Variants in GNA13 observed in about 807,000 individuals in gnomAD.
GNA13 encodes the protein G protein subunit alpha 13.
Under a neutral mutation model 33.5 loss-of-function variants are expected in GNA13, and 4 were observed. The observed-to-expected ratio is 0.12, with a 90% CI of 0.06 to 0.27. GNA13 has a LOEUF of 0.27. GNA13 is among the 10% of genes least tolerant of loss of function. GNA13 has a pLI of 1.00. For synonymous variants in GNA13, 176 were observed against 183.8 expected (o/e 0.96, Z 0.34); for missense variants, 319 against 487.2 (o/e 0.65, Z 3.25).
intron 2 of GNA13, among the ~76,000 whole-genome samples, chr17:65,048,502 C>T (rs1364507970): frequency 6.6e-6 from 1 of 152,164 alleles, no homozygotes; most frequent in Non-Finnish European, 1.5e-5. Flanking sequence ...CTATTATCCT[C>T]AGTATGCTAA....
chr17:65,054,473 TTTTTTG>T (rs1044671986), intron 1 of GNA13, among the ~76,000 whole-genome samples: 2 of 152,102 alleles, frequency 1.3e-5, no homozygotes, highest in African/African-American at 4.8e-5. Context: ...CGGGTGGGGT[TTTTTTG>T]TTTTTGTTTT....
intron 2 of GNA13, among the ~76,000 whole-genome samples, chr17:65,041,512 T>A (rs928554162): frequency 1.3e-5 from 2 of 150,336 alleles, no homozygotes; most frequent in African/African-American, 2.5e-5. Context: ...AAAAAAAAAA[T>A]ATATATGTAT....
chr17:65,038,335 G>A (rs556657532), intron 2 of GNA13, among the ~76,000 whole-genome samples: 9 of 152,064 alleles, frequency 5.9e-5, no homozygotes, highest in East Asian at 1.9e-4. Flanking sequence ...GCTCGGAGGC[G>A]GAGGTTGCAG....
At chr17:65,025,364 T>C (rs575834525) in intron 2 of GNA13, among the ~76,000 whole-genome samples, 1 of 152,304 alleles carries the variant, frequency 6.6e-6, no homozygotes, top group Non-Finnish European at 1.5e-5. Context: ...CAAGCTTTAT[T>C]TCCTACTGTA....
chr17:65,020,109 C>T (rs936796392), intron 2 of GNA13, among the ~76,000 whole-genome samples: 1 of 152,204 alleles, frequency 6.6e-6, no homozygotes, highest in African/African-American at 2.4e-5. Flanking sequence ...ATACAAAGCT[C>T]AGTACGAGGC....
intron 3 of GNA13, among the ~76,000 whole-genome samples, chr17:65,016,325 A>G (rs1906366249): frequency 6.6e-6 from 1 of 152,154 alleles, no homozygotes; most frequent in South Asian, 2.1e-4. Flanking sequence ...AAGAATACTC[A>G]TTGTCTCAAA....
rs1007448367 is a variant in GNA13, at chr17:65,012,165, T to C, written c.*2092A>G. 1 of 222,790 alleles carries C rather than the reference T, an allele frequency of 4.5e-6. No individual in the cohort carries two copies. The highest frequency in any genetic ancestry group is 6.5e-5 in the East Asian group (1 of 15,326). 13.8% of individuals were successfully genotyped at this position (222,790 alleles called of 1,614,324 possible). On this transcript the variant is annotated 3_prime_UTR_variant, in exon 4 of 4. Transcript: ENST00000439174. ...CAAAAGGGGGAAACTTGGTGATTTC[T>C]GCTTTGTCAGGCAATATCTATGGTT...
chr17:65,031,931 TGTGTG>T (rs1907060309), intron 2 of GNA13, among the ~76,000 whole-genome samples: 1 of 136,364 alleles, frequency 7.3e-6, no homozygotes, highest in African/African-American at 3.5e-5. Context: ...AGTGTGTGTG[TGTGTG>T]TGTGTGTGTG....
intron 2 of GNA13, chr17:65,051,991 A>C (rs867271540): frequency 1.3e-5 from 2 of 152,378 alleles, no homozygotes; most frequent in Middle Eastern, 3.4e-3. Context: ...TGTCAGTTTT[A>C]TAAAAAGCTA....
intron 2 of GNA13, among the ~76,000 whole-genome samples, chr17:65,050,627 G>A (rs941025015): frequency 3.3e-5 from 5 of 152,146 alleles, no homozygotes; most frequent in African/African-American, 1.2e-4. Flanking sequence ...AGCTACTTGA[G>A]AGACTGAAGC....
chr17:65,046,116 T>C (rs1271889291), intron 2 of GNA13, among the ~76,000 whole-genome samples: 1 of 152,166 alleles, frequency 6.6e-6, no homozygotes, highest in Non-Finnish European at 1.5e-5. Flanking sequence ...TTTGCTTTTT[T>C]GTGGACCTGA....
intron 2 of GNA13, among the ~76,000 whole-genome samples, chr17:65,032,063 T>C (rs1907066851): frequency 6.6e-6 from 1 of 152,126 alleles, no homozygotes; most frequent in Admixed American, 6.6e-5. Context: ...AATAAGGAGC[T>C]GTTCATTGTA....
intron 2 of GNA13, among the ~76,000 whole-genome samples, chr17:65,023,922 G>C (rs1906680401): frequency 6.6e-6 from 1 of 152,210 alleles, no homozygotes; most frequent in Admixed American, 6.5e-5. Flanking sequence ...ACAGGATTCT[G>C]TAAGTATCTC....
chr17:65,056,558 G>T lies in GNA13; in HGVS notation c.36C>A (p.Ser12=), dbSNP rs1046825827. 3.1e-6 allele frequency: 5 copies of T among 1,611,066 alleles called. No individual in the cohort carries two copies. Among genetic ancestry groups the T allele is most frequent in the Non-Finnish European group, 4.2e-6 (5 of 1,179,602 alleles). The part of the protein sequence containing the change: ...ADFLPSRSVL[S]VCFPGCLLTS... ...TCAGCAGGCAGCCGGGGAAGCACAC[G>T]GACAGCACGGACCGCGACGGCAGGA... Residue 12 remains serine (S), a synonymous_variant, in exon 1 of 4, where the codon TCC becomes TCA. Transcript: ENST00000439174.
intron 2 of GNA13, among the ~76,000 whole-genome samples, chr17:65,028,143 G>A (rs1008943015): frequency 1.2e-4 from 18 of 152,262 alleles, no homozygotes; most frequent in African/African-American, 4.3e-4. Context: ...GGAGAATGGC[G>A]TGAACCCGGG....
chr17:65,042,629 TG>T (rs1907502605), intron 2 of GNA13, among the ~76,000 whole-genome samples: 2 of 151,596 alleles, frequency 1.3e-5, no homozygotes, highest in South Asian at 4.2e-4. Context: ...CCCAGCTACT[TG>T]GGAGGCCAAG....
intron 2 of GNA13, among the ~76,000 whole-genome samples, chr17:65,040,260 T>A (rs536306812): frequency 5.3e-5 from 8 of 152,330 alleles, no homozygotes; most frequent in African/African-American, 1.7e-4. Flanking sequence ...GAAGCAAGTA[T>A]AATTCTCCTT....
At chr17:65,024,043 C>T (rs1022976351) in intron 2 of GNA13, among the ~76,000 whole-genome samples, 22 of 152,134 alleles carry the variant, frequency 1.4e-4, no homozygotes, top group African/African-American at 5.3e-4. Flanking sequence ...TGCTTGAGCC[C>T]AGGAGTTTAA....
At chr17:65,055,542 C>T in intron 1 of GNA13, 2 of 906,814 alleles carry the variant, frequency 2.2e-6, no homozygotes, top group African/African-American at 3.6e-5. Context: ...AGTTACTTAG[C>T]GAAAAGGAGA....
Sources: allele counts gnomAD v4.1 joint callset (sites outside exome capture counted in the v4.1 genomes callset), GRCh38; gene constraint gnomAD v4.1.1; transcripts MANE v1.5; gene names NCBI Gene and HGNC (gene_info 2026-07-23, HGNC 2026-07-21).